RAB38: variants seen among roughly 807,000 people sequenced by gnomAD.
RAB38 encodes the protein ras-related protein Rab-38.
In RAB38, 15 loss-of-function variants were observed where a neutral mutation model predicts 18.4. The ratio of observed to expected loss-of-function variants is 0.82; its 90% CI spans 0.55 to 1.26. RAB38 has a LOEUF of 1.26. Among genes scored for constraint, RAB38 ranks in the 50% most tolerant of loss-of-function variants. The pLI is 0.00. For missense variants in RAB38, 294 were observed against 267.4 expected (o/e 1.10, Z -0.69); for synonymous variants, 101 against 104.4 (o/e 0.97, Z 0.20).
At chr11:88,040,703 AAACAACAACAACAACAACAAC>A in the RAB38 span, among the ~76,000 whole-genome samples, 14 of 149,152 alleles carry the variant, frequency 9.4e-5, no homozygotes, top group African/African-American at 2.0e-4. Flanking sequence ...ACCCTGTCTC[AAACAACAACAACAACAACAAC>A]AACAACAACA....
chr11:88,113,940 T>A lies in RAB38; in HGVS notation c.*48A>T, dbSNP rs1055681217. ...AAAATGGTAAAAATAGAGGCACAATTTGTGGAACAATGAGGTCATTCCTAC... is the reference window on the plus strand; with the variant it reads ...AAAATGGTAAAAATAGAGGCACAATATGTGGAACAATGAGGTCATTCCTAC... On this transcript the variant is annotated 3_prime_UTR_variant, in exon 3 of 3. Transcript: ENST00000243662. 4 of 1,607,498 alleles carry A rather than the reference T, an allele frequency of 2.5e-6. No homozygotes were observed. In the Admixed American group the frequency reaches 5.0e-5, roughly 20 times the overall value.
the RAB38 span, among the ~76,000 whole-genome samples, chr11:87,950,685 C>A: frequency 6.6e-6 from 1 of 152,102 alleles, no homozygotes; most frequent in Admixed American, 6.5e-5. Context: ...GTTGAAAATT[C>A]TTTTCTTTAA....
chr11:87,845,116 A>G, the RAB38 span, among the ~76,000 whole-genome samples: 6 of 152,224 alleles, frequency 3.9e-5, no homozygotes, highest in Non-Finnish European at 4.4e-5. Context: ...TGCTAATACA[A>G]AAGTAACAAC....
chr11:87,895,649 C>G, the RAB38 span, among the ~76,000 whole-genome samples: 1 of 151,648 alleles, frequency 6.6e-6, no homozygotes, highest in Admixed American at 6.6e-5. Context: ...ACTACTTCCA[C>G]TGCACCGGCT....
At chr11:87,948,968 C>T in the RAB38 span, among the ~76,000 whole-genome samples, 1 of 152,024 alleles carries the variant, frequency 6.6e-6, no homozygotes. Context: ...GGAATGGTAC[C>T]AGCTCCTCCT....
the RAB38 span, among the ~76,000 whole-genome samples, chr11:88,024,763 A>T: frequency 6.6e-6 from 1 of 152,236 alleles, no homozygotes; most frequent in Admixed American, 6.5e-5. Context: ...AGGCACAGAA[A>T]GACAAACATC....
At chr11:88,169,576 C>T (rs1943284182) in intron 1 of RAB38, among the ~76,000 whole-genome samples, 1 of 152,132 alleles carries the variant, frequency 6.6e-6, no homozygotes, top group Admixed American at 6.5e-5. Context: ...AGAGTTAAAG[C>T]CCTGGGAATG....
chr11:88,160,362 G>A (rs969328001), intron 1 of RAB38, among the ~76,000 whole-genome samples: 1 of 152,054 alleles, frequency 6.6e-6, no homozygotes, highest in African/African-American at 2.4e-5. Context: ...AAAATGGAAT[G>A]CATATACACT....
chr11:87,974,190 A>C, the RAB38 span, among the ~76,000 whole-genome samples: 1 of 149,186 alleles, frequency 6.7e-6, no homozygotes, highest in East Asian at 2.1e-4. Flanking sequence ...GAATTTGCAG[A>C]AAATGAAACA....
chr11:87,881,544 TCA>T, the RAB38 span, among the ~76,000 whole-genome samples: 3 of 151,914 alleles, frequency 2.0e-5, no homozygotes, highest in Non-Finnish European at 1.5e-5. Flanking sequence ...TTTGTTATTC[TCA>T]GTGTTTCATT....
the RAB38 span, among the ~76,000 whole-genome samples, chr11:87,899,962 T>C: frequency 6.6e-6 from 1 of 151,564 alleles, no homozygotes; most frequent in African/African-American, 2.4e-5. Flanking sequence ...TCCTTCCGTT[T>C]TTTTTTTCCC....
chr11:88,088,239 G>A, the RAB38 span, among the ~76,000 whole-genome samples: 1 of 151,948 alleles, frequency 6.6e-6, no homozygotes, highest in Admixed American at 6.6e-5. Context: ...ATGCTACTAT[G>A]TCCACCCACA....
intron 1 of RAB38, among the ~76,000 whole-genome samples, chr11:88,162,172 C>T (rs1012591795): frequency 6.6e-6 from 1 of 152,046 alleles, no homozygotes; most frequent in Non-Finnish European, 1.5e-5. Context: ...TAATAAAAGC[C>T]TATTTGACAG....
intron 1 of RAB38, among the ~76,000 whole-genome samples, chr11:88,153,324 C>T (rs1196811730): frequency 6.6e-6 from 1 of 152,144 alleles, no homozygotes; most frequent in Non-Finnish European, 1.5e-5. Flanking sequence ...GTCATAGACT[C>T]AGCTAAAAAT....
At chr11:88,173,492 C>T in intron 1 of RAB38, 6 of 979,788 alleles carry the variant, frequency 6.1e-6, no homozygotes, top group Non-Finnish European at 7.3e-6. Context: ...CTATTAATCA[C>T]TGTACCCTTC....
the RAB38 span, among the ~76,000 whole-genome samples, chr11:87,919,940 G>C: frequency 9.2e-5 from 14 of 151,856 alleles, no homozygotes; most frequent in African/African-American, 3.4e-4. Flanking sequence ...CCTACCCTAA[G>C]TAAGTCTGAC....
chr11:87,923,769 C>T, the RAB38 span, among the ~76,000 whole-genome samples: 1 of 151,834 alleles, frequency 6.6e-6, no homozygotes, highest in Admixed American at 6.6e-5. Flanking sequence ...CTGAGCAAGG[C>T]ACTGCACAGA....
the RAB38 span, among the ~76,000 whole-genome samples, chr11:87,921,791 CT>C: frequency 3.6e-4 from 54 of 150,310 alleles, no homozygotes; most frequent in African/African-American, 9.7e-4. Flanking sequence ...TTGGTAGAGC[CT>C]TTTTTTTTCT....
the RAB38 span, among the ~76,000 whole-genome samples, chr11:88,102,765 C>A: frequency 1.9e-4 from 29 of 152,154 alleles, no homozygotes; most frequent in African/African-American, 7.0e-4. Context: ...TCCTCTCCAG[C>A]CTATGAGTTA....
Sources: allele counts gnomAD v4.1 joint callset (sites outside exome capture counted in the v4.1 genomes callset), GRCh38; gene constraint gnomAD v4.1.1; transcripts MANE v1.5; gene names NCBI Gene and HGNC (gene_info 2026-07-23, HGNC 2026-07-21).